Variants in LPAR1 observed in about 807,000 individuals in gnomAD.
LPAR1 encodes LPA receptor 1.
LPAR1 carries 5 observed loss-of-function variants against 23.8 expected under a neutral mutation model. The ratio of observed to expected loss-of-function variants is 0.21; its 90% CI spans 0.11 to 0.44. The LOEUF is 0.44. LPAR1 is among the 20% of genes least tolerant of loss of function. The pLI is 0.99. For missense variants in LPAR1, 311 were observed against 482.8 expected (o/e 0.64, Z 3.33); for synonymous variants, 160 against 164.7 (o/e 0.97, Z 0.22).
intron 4 of LPAR1, among the ~76,000 whole-genome samples, chr9:110,952,379 C>G (rs2095596880): frequency 6.6e-6 from 1 of 152,100 alleles, no homozygotes; most frequent in African/African-American, 2.4e-5. Context: ...GAGCTCATGC[C>G]AATTCCCACC....
At chr9:110,908,891 C>G (rs1365324557) in intron 5 of LPAR1, among the ~76,000 whole-genome samples, 1 of 152,310 alleles carries the variant, frequency 6.6e-6, no homozygotes, top group East Asian at 1.9e-4. Context: ...CCCCATCGTT[C>G]CATAGACTGT....
chr9:110,903,773 A>C (rs1403129965), intron 5 of LPAR1, among the ~76,000 whole-genome samples: 1 of 151,964 alleles, frequency 6.6e-6, no homozygotes, highest in Non-Finnish European at 1.5e-5. Context: ...TAAATTTGGC[A>C]AAAAAATATA....
intron 5 of LPAR1, among the ~76,000 whole-genome samples, chr9:110,932,334 A>G (rs955774843): frequency 6.6e-5 from 10 of 152,190 alleles, no homozygotes; most frequent in African/African-American, 2.4e-4. Context: ...GCAGTGAGAG[A>G]TTAGGAGTTA....
chr9:110,954,681 C>T (rs141926429), intron 4 of LPAR1, among the ~76,000 whole-genome samples: 59 of 152,042 alleles, frequency 3.9e-4, no homozygotes, highest in African/African-American at 1.3e-3. Flanking sequence ...CACATTCATT[C>T]GAAGTGCTGA....
chr9:110,965,221 C>A (rs955749217), intron 4 of LPAR1, among the ~76,000 whole-genome samples: 1 of 151,430 alleles, frequency 6.6e-6, no homozygotes, highest in Admixed American at 6.6e-5. Context: ...AATCTCTTAA[C>A]TAAGATATTG....
At chr9:110,896,324 T>A (rs578125486) in intron 5 of LPAR1, among the ~76,000 whole-genome samples, 2 of 152,350 alleles carry the variant, frequency 1.3e-5, no homozygotes, top group South Asian at 2.1e-4. Flanking sequence ...GCCTTTTGAT[T>A]TTTAACTATG....
chr9:111,002,909 C>T (rs1423156025), intron 2 of LPAR1, among the ~76,000 whole-genome samples: 1 of 152,092 alleles, frequency 6.6e-6, no homozygotes, highest in Non-Finnish European at 1.5e-5. Flanking sequence ...GGGCCTGAGG[C>T]AGGAGAATTG....
chr9:110,968,067 T>A (rs140595906), intron 4 of LPAR1, among the ~76,000 whole-genome samples: 203 of 152,272 alleles, frequency 1.3e-3, no homozygotes, highest in African/African-American at 4.6e-3. Context: ...AAAACTATTA[T>A]CGAAAGTCAG....
intron 2 of LPAR1, among the ~76,000 whole-genome samples, chr9:111,012,510 C>A (rs2097353338): frequency 6.6e-6 from 1 of 151,770 alleles, no homozygotes; most frequent in Non-Finnish European, 1.5e-5. Flanking sequence ...CACTCAGTAT[C>A]CTGGTAGTCC....
intron 2 of LPAR1, among the ~76,000 whole-genome samples, chr9:110,995,153 T>C (rs1329422836): frequency 6.6e-6 from 1 of 152,162 alleles, no homozygotes; most frequent in Non-Finnish European, 1.5e-5. Flanking sequence ...CATTATGAAA[T>C]TTCTTCTGCC....
At chr9:110,960,200 T>C (rs1359567702) in intron 4 of LPAR1, among the ~76,000 whole-genome samples, 1 of 152,106 alleles carries the variant, frequency 6.6e-6, no homozygotes, top group Non-Finnish European at 1.5e-5. Context: ...CATGGATGTG[T>C]TCCCAACATA....
intron 2 of LPAR1, among the ~76,000 whole-genome samples, chr9:110,992,992 GA>G (rs1564280017): frequency 6.6e-6 from 1 of 151,996 alleles, no homozygotes; most frequent in East Asian, 1.9e-4. Flanking sequence ...TGTTATCAAT[GA>G]AAAAATTAAA....
rs532822730 is a variant in LPAR1, at chr9:110,972,430, T to C, written c.-103-210A>G. ...ATACTCTTAAGTTGAGGAATTTTCA[T>C]AGGTTTGAATCCAACATCCCAGCTA... On this transcript the variant is annotated intron_variant, in intron 3 of 5. Transcript: ENST00000683809. 3.3e-5 allele frequency among the ~76,000 whole-genome samples: 5 copies of C among 152,274 alleles called. No individual in the cohort carries two copies. The East Asian group carries it at 7.7e-4, about 23-fold the overall frequency.
At chr9:110,905,515 T>C (rs1253060389) in intron 5 of LPAR1, among the ~76,000 whole-genome samples, 1 of 151,768 alleles carries the variant, frequency 6.6e-6, no homozygotes, top group Non-Finnish European at 1.5e-5. Flanking sequence ...CTCAGCTAAT[T>C]TTTTATTATT....
intron 2 of LPAR1, among the ~76,000 whole-genome samples, chr9:111,010,423 C>T (rs537682771): frequency 9.9e-5 from 15 of 152,132 alleles, no homozygotes; most frequent in African/African-American, 3.6e-4. Context: ...TCTTGGGAAC[C>T]AGAGCAGTGG....
chr9:110,981,889 C>T (rs929391910), intron 2 of LPAR1, among the ~76,000 whole-genome samples: 1 of 152,062 alleles, frequency 6.6e-6, no homozygotes, highest in Non-Finnish European at 1.5e-5. Context: ...ATCATCACTG[C>T]TCGTTACAGA....
intron 2 of LPAR1, among the ~76,000 whole-genome samples, chr9:111,023,292 A>G (rs1009398905): frequency 3.3e-5 from 5 of 151,952 alleles, no homozygotes; most frequent in African/African-American, 1.2e-4. Flanking sequence ...CCGGTTTTCT[A>G]TTTTGCTTCT....
chr9:110,998,694 T>C (rs2097069180), intron 2 of LPAR1, among the ~76,000 whole-genome samples: 1 of 152,202 alleles, frequency 6.6e-6, no homozygotes, highest in African/African-American at 2.4e-5. Flanking sequence ...ATCTGAATTT[T>C]GGAGGGTGTC....
intron 2 of LPAR1, among the ~76,000 whole-genome samples, chr9:111,030,824 T>C (rs1162358874): frequency 6.6e-6 from 1 of 152,158 alleles, no homozygotes; most frequent in Non-Finnish European, 1.5e-5. Flanking sequence ...TGCAGGCTCT[T>C]CCAGCTTCAA....
Sources: allele counts gnomAD v4.1 joint callset (sites outside exome capture counted in the v4.1 genomes callset), GRCh38; gene constraint gnomAD v4.1.1; transcripts MANE v1.5; gene names NCBI Gene and HGNC (gene_info 2026-07-23, HGNC 2026-07-21).